The following CPLX1 variants were observed in gnomAD, a reference collection of about 807,000 sequenced individuals.
CPLX1 encodes complexin 1.
CPLX1 carries 6 observed loss-of-function variants against 15.6 expected under a neutral mutation model. The ratio of observed to expected loss-of-function variants is 0.39; its 90% CI spans 0.21 to 0.76. CPLX1 has a LOEUF of 0.76. Ranked by LOEUF, CPLX1 falls within the 30% of genes least tolerant of loss-of-function variation. CPLX1 has a pLI of 0.43. For missense variants in CPLX1, 242 were observed against 188.6 expected, an observed-to-expected ratio of 1.28 and a Z score of -1.66; for synonymous variants, 91 against 75.2, an observed-to-expected ratio of 1.21 and a Z score of -1.08.
intron 3 of CPLX1, chr4:787,847 G>T: frequency 1.0e-6 from 1 of 985,464 alleles, no homozygotes; most frequent in South Asian, 4.7e-5. Context: ...CTACGGAACA[G>T]CCTCCTGCTG....
intron 2 of CPLX1, among the ~76,000 whole-genome samples, chr4:807,147 A>G (rs1000580975): frequency 2.0e-5 from 3 of 152,256 alleles, no homozygotes; most frequent in African/African-American, 7.2e-5. Flanking sequence ...CACAGCCATA[A>G]AAAAGAATGA....
intron 2 of CPLX1, chr4:792,837 T>G: frequency 1.9e-6 from 1 of 517,488 alleles, no homozygotes; most frequent in Non-Finnish European, 3.4e-6. Context: ...TTGCTTTCTG[T>G]TCCTCAAGAG....
At position 821,038 on chromosome 4, in the gene CPLX1, C is replaced by T. The variant is rs144673774; in HGVS notation, c.31+3454G>A. 3.2e-4 allele frequency among the ~76,000 whole-genome samples: 49 copies of T among 152,310 alleles called. No individual in the cohort carries two copies. The East Asian group carries it at 4.2e-3, about 13-fold the overall frequency. ...CGCCAAACCCAGGACCGCACCCCTA[C>T]GGTGTGTTCTCCCCAGATGTTCACC... is the stretch of plus-strand genomic sequence containing the variant. On this transcript the variant is annotated intron_variant, in intron 2 of 3. Transcript: ENST00000304062.
Position 788,109 on chromosome 4 carries a change from G to A in CPLX1, c.208-1411C>T, listed in dbSNP as rs1008033603. 5 of 985,158 alleles carry A rather than the reference G, an allele frequency of 5.1e-6. No homozygotes were observed. In the African/African-American group the frequency reaches 8.7e-5, roughly 17 times the overall value. The allele number at this position is 985,158 out of a possible 1,614,324, so 61.0% of individuals were successfully genotyped here. A position where few individuals can be genotyped will look rare whatever the true frequency, so the allele number is the denominator to read the frequency against. ...CCGCGGGATCACCAGCCACAGGGAG[G>A]GGCCTTTCTGCCCAGGAGGAGCCCC... On this transcript the variant is annotated intron_variant, in intron 3 of 3. Coordinates refer to ENST00000304062, the MANE Select transcript of CPLX1 (RefSeq NM_006651.4).
chr4:791,634 GCCAGGCCATCTTGGCCCAT>G (rs1194869322), intron 3 of CPLX1, among the ~76,000 whole-genome samples: 1 of 152,180 alleles, frequency 6.6e-6, no homozygotes, highest in Non-Finnish European at 1.5e-5. Flanking sequence ...CCACCCCGAA[GCCAGGCCATCTTGGCCCAT>G]CCAGGGCAGG....
At chr4:795,494 G>C (rs993421088) in intron 2 of CPLX1, among the ~76,000 whole-genome samples, 1 of 152,204 alleles carries the variant, frequency 6.6e-6, no homozygotes, top group East Asian at 1.9e-4. Flanking sequence ...CCTGAGGCTG[G>C]GACACCCCGA....
intron 2 of CPLX1, among the ~76,000 whole-genome samples, chr4:798,252 G>A (rs1309816162): frequency 2.1e-5 from 3 of 141,646 alleles, no homozygotes; most frequent in Non-Finnish European, 4.5e-5. Flanking sequence ...TCCAGCCTGG[G>A]TGACAGTGAG....
At chr4:796,475 G>A (rs28587502) in intron 2 of CPLX1, among the ~76,000 whole-genome samples, 17,903 of 152,100 alleles carry the variant, frequency 0.12, 1,936 homozygotes, top group African/African-American at 0.28. Context: ...CAGTAGAGAC[G>A]GGTTTCACCG....
intron 1 of CPLX1, among the ~76,000 whole-genome samples, chr4:825,602 G>A (rs1173731540): frequency 6.6e-6 from 1 of 151,926 alleles, no homozygotes; most frequent in Non-Finnish European, 1.5e-5. Context: ...CGCCAGGAGA[G>A]GAAAGAAAGA....
chr4:816,644 G>A (rs1040018745), intron 2 of CPLX1, among the ~76,000 whole-genome samples: 1 of 151,982 alleles, frequency 6.6e-6, no homozygotes, highest in Non-Finnish European at 1.5e-5. Flanking sequence ...TGGGAAACAT[G>A]GTGGGACCCT....
intron 1 of CPLX1, 173 bp from the exon 2 acceptor site, chr4:824,774 C>T: frequency 1.5e-6 from 1 of 682,236 alleles, no homozygotes; most frequent in East Asian, 2.8e-5. Context: ...CAAACCAGGA[C>T]CCCAGAGGAC....
At chr4:804,938 C>T (rs1328281988) in intron 2 of CPLX1, 16 of 985,374 alleles carry the variant, frequency 1.6e-5, no homozygotes, top group Non-Finnish European at 1.9e-5. Flanking sequence ...CGAGCACGTG[C>T]GGAGTTCACC....
chr4:822,015 C>T (rs1746874037), intron 2 of CPLX1, among the ~76,000 whole-genome samples: 2 of 152,212 alleles, frequency 1.3e-5, no homozygotes, highest in African/African-American at 2.4e-5. Context: ...GTGCATGTGC[C>T]ATGCTGCCTG....
chr4:797,096 C>G (rs1478197509), intron 2 of CPLX1, among the ~76,000 whole-genome samples: 2 of 152,234 alleles, frequency 1.3e-5, no homozygotes, highest in Non-Finnish European at 2.9e-5. Context: ...CAGACACATT[C>G]TTATTGATTG....
At chr4:824,867 G>A (rs1318949858) in intron 1 of CPLX1, 1 of 482,124 alleles carries the variant, frequency 2.1e-6, no homozygotes, top group East Asian at 4.7e-5. Context: ...ATCGCTCAGA[G>A]GCGCCTGGCG....
intron 2 of CPLX1, among the ~76,000 whole-genome samples, chr4:800,580 A>G (rs376587568): frequency 1.4e-3 from 176 of 129,184 alleles, no homozygotes; most frequent in East Asian, 6.6e-3. Context: ...GTGTGTGTGT[A>G]TATATATGTA....
Position 824,550 on chromosome 4 carries a change from C to T in CPLX1, c.-28G>A, listed in dbSNP as rs1321026054. The T allele has an allele frequency of 1.9e-6, 3 of 1,612,478 alleles. No homozygotes were observed. Among genetic ancestry groups the T allele is most frequent in the Non-Finnish European group, 8.5e-7 (1 of 1,179,482 alleles). ...CGATTGCTCTGCTTCCACAGTGGCT[C>T]CTCCAGGGGTCAGAACTCACACGCA... On this transcript the variant is annotated 5_prime_UTR_variant, in exon 2 of 4. Coordinates refer to ENST00000304062, the MANE Select transcript of CPLX1 (RefSeq NM_006651.4).
intron 2 of CPLX1, among the ~76,000 whole-genome samples, chr4:794,084 C>T (rs923935353): frequency 6.6e-6 from 1 of 152,248 alleles, no homozygotes; most frequent in Non-Finnish European, 1.5e-5. Context: ...GCTATCTGTG[C>T]CAGTGCTGCC....
At chr4:787,025 G>A (rs745796082) in intron 3 of CPLX1, 9 of 985,390 alleles carry the variant, frequency 9.1e-6, no homozygotes, top group Non-Finnish European at 1.1e-5. Context: ...CTGCCTTCCA[G>A]GAAGCCTCCG....
Sources: allele counts gnomAD v4.1 joint callset (sites outside exome capture counted in the v4.1 genomes callset), GRCh38; gene constraint gnomAD v4.1.1; transcripts MANE v1.5; gene names NCBI Gene and HGNC (gene_info 2026-07-23, HGNC 2026-07-21).